The following CDC14A variants were observed in gnomAD, a reference collection of about 807,000 sequenced individuals.
CDC14A encodes cell division cycle 14A.
Under a neutral mutation model 74.4 loss-of-function variants are expected in CDC14A, and 53 were observed. The ratio of observed to expected loss-of-function variants is 0.71; its 90% CI spans 0.57 to 0.89. The LOEUF is 0.89. Ranked by LOEUF, CDC14A falls within the 40% of genes least tolerant of loss-of-function variation. The pLI is 0.00. For synonymous variants in CDC14A, 247 were observed against 258.4 expected (o/e 0.96, Z 0.43); for missense variants, 646 against 713.7 (o/e 0.91, Z 1.08).
At chr1:100,472,828 T>C (rs1401225354) in intron 10 of CDC14A, among the ~76,000 whole-genome samples, 5 of 152,152 alleles carry the variant, frequency 3.3e-5, no homozygotes, top group South Asian at 4.1e-4. Flanking sequence ...AAAATTCAGT[T>C]TCTCCACTGA....
intron 7 of CDC14A, among the ~76,000 whole-genome samples, chr1:100,454,013 C>T (rs1666418311): frequency 6.6e-6 from 1 of 152,088 alleles, no homozygotes; most frequent in African/African-American, 2.4e-5. Flanking sequence ...CACAGTTTCA[C>T]ATATAACTTT....
chr1:100,420,287 C>T lies in CDC14A; in HGVS notation c.310-3935C>T, dbSNP rs190216079. 2.7e-3 allele frequency among the ~76,000 whole-genome samples: 406 copies of T among 151,300 alleles called. 2 individuals are homozygous for T. The highest frequency in any genetic ancestry group is 3.6e-3 in the Non-Finnish European group (244 of 67,768). On this transcript the variant is annotated intron_variant, in intron 4 of 15. Coordinates refer to ENST00000336454, the MANE Select transcript of CDC14A (RefSeq NM_003672.4). ...TGAAGCCATTTATTGTTTTAAGAAT[C>T]TCCCCTTGTGTATCAGAGAGGTTGA...
At chr1:100,468,127 C>T (rs2101257066) in intron 10 of CDC14A, 33 bp downstream of exon 10, 1 of 1,611,404 alleles carries the variant, frequency 6.2e-7, no homozygotes. Flanking sequence ...CACATTATAT[C>T]CTGTTCTTGA....
chr1:100,506,639 G>A (rs1231002836), intron 15 of CDC14A, among the ~76,000 whole-genome samples: 9 of 152,126 alleles, frequency 5.9e-5, no homozygotes. Flanking sequence ...CTGTACATTT[G>A]AAAAGACTTG....
chr1:100,364,023 G>A (rs1240813325), intron 2 of CDC14A, among the ~76,000 whole-genome samples: 1 of 152,028 alleles, frequency 6.6e-6, no homozygotes, highest in Non-Finnish European at 1.5e-5. Flanking sequence ...TAGCTACTCT[G>A]GAGGCTGAGG....
chr1:100,410,558 T>TC (rs1473849845), intron 4 of CDC14A, among the ~76,000 whole-genome samples: 242 of 152,276 alleles, frequency 1.6e-3, no homozygotes, highest in African/African-American at 5.7e-3. Context: ...GACCTCGTGA[T>TC]TGCCTGCCTC....
intron 4 of CDC14A, among the ~76,000 whole-genome samples, chr1:100,397,560 C>T (rs1197584472): frequency 2.0e-5 from 3 of 152,006 alleles, no homozygotes; most frequent in Admixed American, 2.0e-4. Context: ...GTTTTGCAGG[C>T]CTAGGTCAAG....
At chr1:100,509,666 C>T (rs536413609) in intron 15 of CDC14A, among the ~76,000 whole-genome samples, 5 of 152,382 alleles carry the variant, frequency 3.3e-5, no homozygotes, top group South Asian at 4.1e-4. Flanking sequence ...ACAGACACCA[C>T]GTGCACATTG....
intron 11 of CDC14A, among the ~76,000 whole-genome samples, chr1:100,494,603 C>A (rs1254705189): frequency 6.6e-6 from 1 of 152,128 alleles, no homozygotes; most frequent in Non-Finnish European, 1.5e-5. Flanking sequence ...TATTCCCATG[C>A]TTCATTGATT....
At chr1:100,512,713 A>G (rs1387792141) in intron 15 of CDC14A, among the ~76,000 whole-genome samples, 1 of 152,250 alleles carries the variant, frequency 6.6e-6, no homozygotes, top group Non-Finnish European at 1.5e-5. Flanking sequence ...TATTTTATAT[A>G]GCATTATAAT....
intron 5 of CDC14A, among the ~76,000 whole-genome samples, chr1:100,425,123 G>A (rs1443348751): frequency 1.3e-5 from 2 of 152,088 alleles, no homozygotes; most frequent in East Asian, 1.9e-4. Context: ...AGCTGAGATC[G>A]CCCCACTACA....
chr1:100,494,892 T>C lies in CDC14A; in HGVS notation c.1212T>C (p.Ser404=), dbSNP rs756467707. ...GAGACAAACTACGTGCCTTAAAAAG[T>C]CAGAGACAGCCACGTACCTCACCAT... is the stretch of plus-strand genomic sequence containing the variant. ...TQGDKLRALK[S]QRQPRTSPSC... Residue 404 remains serine, a synonymous_variant, in exon 12 of 16, where the codon AGT becomes AGC. Coordinates refer to ENST00000336454, the MANE Select transcript of CDC14A (RefSeq NM_003672.4). 6 of 1,612,806 alleles carry C rather than the reference T, an allele frequency of 3.7e-6. No homozygotes were observed. The highest frequency in any genetic ancestry group is 5.1e-6 in the Non-Finnish European group (6 of 1,178,964).
intron 15 of CDC14A, chr1:100,504,789 ATT>A (rs1290210730): frequency 2.0e-6 from 3 of 1,516,282 alleles, no homozygotes; most frequent in Admixed American, 2.0e-5. Flanking sequence ...TACCTTGCTT[ATT>A]CTCTTGTTTT....
chr1:100,379,080 G>A (rs974236579), intron 3 of CDC14A, among the ~76,000 whole-genome samples: 2 of 152,098 alleles, frequency 1.3e-5, no homozygotes, highest in Non-Finnish European at 2.9e-5. Flanking sequence ...TATGAATTGG[G>A]TATTATAATT....
At chr1:100,432,245 T>C (rs1342591596) in intron 5 of CDC14A, among the ~76,000 whole-genome samples, 1 of 152,214 alleles carries the variant, frequency 6.6e-6, no homozygotes, top group East Asian at 1.9e-4. Context: ...GTCTCAATGA[T>C]ATAAGCTCTT....
chr1:100,435,820 G>A (rs1342379703), intron 5 of CDC14A, among the ~76,000 whole-genome samples: 10 of 91,272 alleles, frequency 1.1e-4, no homozygotes, highest in Non-Finnish European at 1.2e-4. Context: ...GTGAGACTTC[G>A]TCTAAAAAAA....
At chr1:100,450,325 T>A (rs1408653020) in intron 7 of CDC14A, among the ~76,000 whole-genome samples, 1 of 152,232 alleles carries the variant, frequency 6.6e-6, no homozygotes, top group Non-Finnish European at 1.5e-5. Flanking sequence ...GCTTCAAGAC[T>A]TTGTTTGGAT....
intron 3 of CDC14A, among the ~76,000 whole-genome samples, chr1:100,389,319 G>A (rs1386488775): frequency 2.6e-5 from 4 of 151,652 alleles, no homozygotes; most frequent in Non-Finnish European, 2.9e-5. Flanking sequence ...TTAGCCGGGC[G>A]TGGTTGTGGG....
chr1:100,479,470 CTG>C (rs1298120466), intron 10 of CDC14A, among the ~76,000 whole-genome samples: 1 of 152,158 alleles, frequency 6.6e-6, no homozygotes, highest in Non-Finnish European at 1.5e-5. Flanking sequence ...TATATTCACT[CTG>C]TGTGCCTTTG....
Sources: allele counts gnomAD v4.1 joint callset (sites outside exome capture counted in the v4.1 genomes callset), GRCh38; gene constraint gnomAD v4.1.1; transcripts MANE v1.5; gene names NCBI Gene and HGNC (gene_info 2026-07-23, HGNC 2026-07-21).